Variants in ANKRD31 observed in about 807,000 individuals in gnomAD.
ANKRD31 encodes ankyrin repeat domain 31, also known as ankyrin repeat domain-containing protein 31.
ANKRD31 carries 147 observed loss-of-function variants against 186.0 expected under a neutral mutation model. The ratio of observed to expected loss-of-function variants is 0.79; its 90% CI spans 0.69 to 0.91. The LOEUF (loss-of-function observed/expected upper bound fraction) is 0.91. Ranked by LOEUF, ANKRD31 falls within the 40% of genes least tolerant of loss-of-function variation. The pLI, the probability that ANKRD31 is intolerant of heterozygous loss-of-function variation, is 0.00. For missense variants in ANKRD31, 1,986 were observed against 2,148.8 expected (o/e 0.92, Z 1.50); for synonymous variants, 673 against 736.4 (o/e 0.91, Z 1.39).
At chr5:75,082,146 A>G (rs1745133051) in intron 24 of ANKRD31, among the ~76,000 whole-genome samples, 1 of 152,220 alleles carries the variant, frequency 6.6e-6, no homozygotes, top group African/African-American at 2.4e-5. Flanking sequence ...GATGAAAAAC[A>G]CTTTTGAGGC....
intron 17 of ANKRD31, among the ~76,000 whole-genome samples, chr5:75,135,913 C>T (rs148545321): frequency 0.015 from 2,254 of 152,170 alleles, 50 homozygotes; most frequent in African/African-American, 0.049. Context: ...ACAAGAAATG[C>T]GGAAAGGATT....
intron 1 of ANKRD31, 93 bp from the exon 2 acceptor site, chr5:75,230,728 C>T: frequency 1.1e-6 from 1 of 905,474 alleles, no homozygotes. Flanking sequence ...CCAAAACTTG[C>T]TAAAATTCTT....
At chr5:75,225,127 G>A (rs1188907365) in intron 2 of ANKRD31, among the ~76,000 whole-genome samples, 2 of 152,038 alleles carry the variant, frequency 1.3e-5, no homozygotes, top group Non-Finnish European at 2.9e-5. Context: ...TCTTTTTTGG[G>A]GGAAATATAT....
chr5:75,188,673 A>T (rs1754901812), intron 9 of ANKRD31, 25 bp from the exon 10 acceptor site: 1 of 1,500,446 alleles, frequency 6.7e-7, no homozygotes, highest in Non-Finnish European at 8.9e-7. Flanking sequence ...TGAACAAAAG[A>T]AAAAAATCAT....
chr5:75,194,585 G>A (rs1755333627), intron 7 of ANKRD31, among the ~76,000 whole-genome samples: 1 of 151,924 alleles, frequency 6.6e-6, no homozygotes, highest in African/African-American at 2.4e-5. Context: ...TTGGTAATCG[G>A]AAGATAAAAA....
chr5:75,133,925 T>C (rs878915111), intron 17 of ANKRD31, among the ~76,000 whole-genome samples: 1 of 151,988 alleles, frequency 6.6e-6, no homozygotes, highest in South Asian at 2.1e-4. Context: ...ACTGGGTACA[T>C]AACGAAATGA....
At chr5:75,096,875 T>A (rs1189051579) in intron 22 of ANKRD31, among the ~76,000 whole-genome samples, 1 of 136,660 alleles carries the variant, frequency 7.3e-6, no homozygotes, top group Admixed American at 7.8e-5. Flanking sequence ...GTGTTCTCAC[T>A]GTTCAATTCC....
chr5:75,211,259 T>A (rs1402133231), intron 3 of ANKRD31, among the ~76,000 whole-genome samples: 1 of 152,250 alleles, frequency 6.6e-6, no homozygotes, highest in Non-Finnish European at 1.5e-5. Context: ...TTAATCATTC[T>A]GTGACTAGTT....
In ANKRD31 at chr5:75,118,148, A is replaced by G. The variant is rs1350926842; in HGVS notation, c.4026T>C (p.Asp1342=). ...TGATATACATACCATTGACTATAGC[A>G]TCACTCTCATCTCTATTAACAGTCT... ...AIETVNRDES[D]AIVNEKIPAV... Residue 1342 remains aspartate (D), a synonymous_variant, in exon 18 of 26, where the codon GAT becomes GAC. Coordinates refer to ENST00000506364, the MANE Select transcript of ANKRD31 (RefSeq NM_001372053.1). 6.8e-7 allele frequency: 1 copy of G among 1,476,894 alleles called. No individual in the cohort carries two copies. Among genetic ancestry groups the G allele is most frequent in the Admixed American group, 2.7e-5 (1 of 37,340 alleles). 91.5% of individuals were successfully genotyped at this position (1,476,894 alleles called of 1,614,324 possible). A position where few individuals can be genotyped will look rare whatever the true frequency, so the allele number is the denominator to read the frequency against.
At chr5:75,107,688 A>AACAATAGGGCTAATTCTC in intron 20 of ANKRD31, 71 bp from the exon 21 acceptor site, 1 of 858,994 alleles carries the variant, frequency 1.2e-6, no homozygotes, top group Non-Finnish European at 1.8e-6. Context: ...TACGAGAATT[A>AACAATAGGGCTAATTCTC]GCCCTATTGT....
At chr5:75,154,523 T>C (rs1752036124) in intron 11 of ANKRD31, among the ~76,000 whole-genome samples, 178 bp from the exon 12 acceptor site, 1 of 152,076 alleles carries the variant, frequency 6.6e-6, no homozygotes, top group Non-Finnish European at 1.5e-5. Context: ...AATTTTAATT[T>C]GTTGATACAT....
intron 25 of ANKRD31, among the ~76,000 whole-genome samples, chr5:75,068,985 C>G (rs1353573314): frequency 6.6e-6 from 1 of 152,142 alleles, no homozygotes; most frequent in Non-Finnish European, 1.5e-5. Context: ...GTTGTATTAA[C>G]TGAGATTTTG....
intron 19 of ANKRD31, among the ~76,000 whole-genome samples, chr5:75,114,299 G>C (rs574698649): frequency 1.6e-4 from 24 of 152,246 alleles, no homozygotes; most frequent in African/African-American, 5.8e-4. Context: ...ATGGAAGTGA[G>C]TGAAGACACA....
At chr5:75,177,323 A>G (rs868139765) in intron 10 of ANKRD31, among the ~76,000 whole-genome samples, 35 of 152,234 alleles carry the variant, frequency 2.3e-4, no homozygotes, top group Admixed American at 2.6e-4. Flanking sequence ...GATATTATCC[A>G]GGAGAACTTC....
intron 12 of ANKRD31, among the ~76,000 whole-genome samples, chr5:75,149,569 C>T (rs1285494089): frequency 2.6e-5 from 4 of 151,910 alleles, no homozygotes; most frequent in East Asian, 3.9e-4. Context: ...TTTGGAGCAC[C>T]GTCTCTGGGG....
At chr5:75,091,979 T>G (rs1745956355) in intron 22 of ANKRD31, among the ~76,000 whole-genome samples, 1 of 151,952 alleles carries the variant, frequency 6.6e-6, no homozygotes, top group African/African-American at 2.4e-5. Context: ...GGAAAACACA[T>G]GAAGCTACTG....
At chr5:75,122,791 A>C (rs777234340) in intron 17 of ANKRD31, among the ~76,000 whole-genome samples, 30 of 152,150 alleles carry the variant, frequency 2.0e-4, no homozygotes, top group Non-Finnish European at 3.7e-4. Context: ...ACCTCAAAAT[A>C]ATAAAGGCCA....
chr5:75,163,341 A>G (rs2150177507), intron 11 of ANKRD31, among the ~76,000 whole-genome samples: 2 of 152,296 alleles, frequency 1.3e-5, no homozygotes, highest in Middle Eastern at 3.4e-3. Context: ...AGTAATGCAC[A>G]TAGGTCTTGG....
intron 11 of ANKRD31, among the ~76,000 whole-genome samples, chr5:75,158,665 G>C (rs1377515609): frequency 6.6e-6 from 1 of 152,056 alleles, no homozygotes; most frequent in Non-Finnish European, 1.5e-5. Context: ...GGTGGTGCAT[G>C]CCTATTGTCC....
Sources: allele counts gnomAD v4.1 joint callset (sites outside exome capture counted in the v4.1 genomes callset), GRCh38; gene constraint gnomAD v4.1.1; transcripts MANE v1.5; gene names NCBI Gene and HGNC (gene_info 2026-07-23, HGNC 2026-07-21).